The following TMEM117 variants were observed in gnomAD, a reference collection of about 807,000 sequenced individuals.
TMEM117 encodes the protein transmembrane protein 117.
Under a neutral mutation model 52.4 loss-of-function variants are expected in TMEM117, and 27 were observed. The observed-to-expected ratio is 0.51, with a 90% CI of 0.38 to 0.71. The LOEUF is 0.71. Among genes scored for constraint, TMEM117 ranks in the 30% least tolerant of loss-of-function variants. TMEM117 has a pLI of 0.00. For synonymous variants in TMEM117, 215 were observed against 206.3 expected, an observed-to-expected ratio of 1.04 and a Z score of -0.36; for missense variants, 556 against 630.5, an observed-to-expected ratio of 0.88 and a Z score of 1.26.
intron 3 of TMEM117, among the ~76,000 whole-genome samples, chr12:44,062,329 C>G (rs985685214): frequency 6.6e-6 from 1 of 152,150 alleles, no homozygotes; most frequent in Non-Finnish European, 1.5e-5. Context: ...TTGTTCCCCA[C>G]TTTCTTTGTA....
At chr12:44,122,573 C>T (rs1948255256) in intron 3 of TMEM117, among the ~76,000 whole-genome samples, 1 of 152,246 alleles carries the variant, frequency 6.6e-6, no homozygotes, top group East Asian at 1.9e-4. Context: ...CACCTCCCAC[C>T]CTCTGAGAGG....
intron 5 of TMEM117, among the ~76,000 whole-genome samples, chr12:44,276,332 A>G (rs563177544): frequency 1.5e-4 from 23 of 152,326 alleles, no homozygotes; most frequent in African/African-American, 3.8e-4. Flanking sequence ...AGGAAATCCT[A>G]TCATTTGCAA....
intron 2 of TMEM117, among the ~76,000 whole-genome samples, chr12:43,893,067 G>A (rs1006056524): frequency 6.6e-6 from 1 of 152,230 alleles, no homozygotes; most frequent in Non-Finnish European, 1.5e-5. Context: ...GGAAGGTAGA[G>A]CATGGAAGGA....
chr12:44,352,168 T>C lies in TMEM117; in HGVS notation c.769-24427T>C, dbSNP rs1019083864. 6.6e-5 allele frequency among the ~76,000 whole-genome samples: 10 copies of C among 152,068 alleles called. No individual in the cohort carries two copies. In the East Asian group the frequency reaches 1.9e-3, roughly 29 times the overall value. Reference sequence around the variant, plus strand: ...GGGATGGACACCCCATTTTTCATTATGTGATTATTAGGCATTGCATGCCTG... The same window carrying C: ...GGGATGGACACCCCATTTTTCATTACGTGATTATTAGGCATTGCATGCCTG... On this transcript the variant is annotated intron_variant, in intron 6 of 7. Transcript: ENST00000266534.
intron 3 of TMEM117, among the ~76,000 whole-genome samples, chr12:44,092,668 T>C (rs1041970708): frequency 6.6e-6 from 1 of 152,082 alleles, no homozygotes; most frequent in African/African-American, 2.4e-5. Flanking sequence ...CCACACACTA[T>C]AGAAAACCAG....
intron 3 of TMEM117, among the ~76,000 whole-genome samples, chr12:44,100,386 A>C (rs901426530): frequency 6.6e-6 from 1 of 152,006 alleles, no homozygotes. Context: ...ATAGATATCT[A>C]TGCATGCGGA....
At chr12:43,967,850 T>C (rs1312976195) in intron 3 of TMEM117, among the ~76,000 whole-genome samples, 1 of 152,216 alleles carries the variant, frequency 6.6e-6, no homozygotes, top group Non-Finnish European at 1.5e-5. Context: ...AATAAAATAG[T>C]GTGTTCTGAA....
intron 4 of TMEM117, among the ~76,000 whole-genome samples, chr12:44,170,358 G>T (rs1033425429): frequency 6.6e-6 from 1 of 151,796 alleles, no homozygotes; most frequent in African/African-American, 2.4e-5. Context: ...AGGAGTTAAC[G>T]GGTGCAGCAC....
In TMEM117 at chr12:44,085,203, G is replaced by A. The variant is rs377678589; in HGVS notation, c.411-58322G>A. Among the ~76,000 whole-genome samples, 22 of 151,988 alleles carry A rather than the reference G, an allele frequency of 1.4e-4. 1 individual carries two copies. The highest frequency in any genetic ancestry group is 5.1e-4 in the African/African-American group (21 of 41,472). ...AGTCTTTGGAGGCCTACTTTTACACGTGTTTTGTTTCCATAATTACCTAAA... is the reference window on the plus strand; with the variant it reads ...AGTCTTTGGAGGCCTACTTTTACACATGTTTTGTTTCCATAATTACCTAAA... On this transcript the variant is annotated intron_variant, in intron 3 of 7. Transcript: ENST00000266534.
intron 4 of TMEM117, among the ~76,000 whole-genome samples, chr12:44,152,742 T>G (rs1417414796): frequency 7.2e-6 from 1 of 138,302 alleles, no homozygotes; most frequent in Non-Finnish European, 1.5e-5. Flanking sequence ...TTTATATTTA[T>G]AATTATATTT....
intron 2 of TMEM117, among the ~76,000 whole-genome samples, chr12:43,847,711 AC>A (rs1373883434): frequency 1.3e-5 from 2 of 152,174 alleles, no homozygotes; most frequent in Non-Finnish European, 2.9e-5. Context: ...TGTATTGGAA[AC>A]AAAGGATGGA....
At chr12:44,181,073 T>C (rs886650250) in intron 4 of TMEM117, among the ~76,000 whole-genome samples, 1 of 152,216 alleles carries the variant, frequency 6.6e-6, no homozygotes, top group Non-Finnish European at 1.5e-5. Flanking sequence ...TATCTCATTG[T>C]GGTTTTGATT....
At chr12:44,115,755 G>A (rs1592530051) in intron 3 of TMEM117, among the ~76,000 whole-genome samples, 1 of 152,082 alleles carries the variant, frequency 6.6e-6, no homozygotes, top group Non-Finnish European at 1.5e-5. Flanking sequence ...TAGCATTTAT[G>A]GAACAGCTAC....
At chr12:43,961,955 A>G (rs1945410781) in intron 3 of TMEM117, among the ~76,000 whole-genome samples, 2 of 152,178 alleles carry the variant, frequency 1.3e-5, no homozygotes, top group Admixed American at 6.5e-5. Context: ...AGAAAGTGAT[A>G]TTTCTGTGGC....
intron 2 of TMEM117, among the ~76,000 whole-genome samples, chr12:43,848,364 C>T (rs1435137807): frequency 6.6e-6 from 1 of 152,172 alleles, no homozygotes; most frequent in Non-Finnish European, 1.5e-5. Context: ...CTTATCTCAA[C>T]TGCACAAGAC....
chr12:43,849,138 C>A (rs1943262313), intron 2 of TMEM117, among the ~76,000 whole-genome samples: 1 of 152,176 alleles, frequency 6.6e-6, no homozygotes, highest in Non-Finnish European at 1.5e-5. Context: ...ATTAAACAAG[C>A]ATCATGTCCT....
At chr12:44,146,608 A>G (rs1038882000) in intron 4 of TMEM117, among the ~76,000 whole-genome samples, 1 of 152,208 alleles carries the variant, frequency 6.6e-6, no homozygotes, top group Non-Finnish European at 1.5e-5. Context: ...CATCATTTCT[A>G]TTCCCATTTC....
At chr12:44,213,339 G>A (rs137992529) in intron 5 of TMEM117, among the ~76,000 whole-genome samples, 1 of 152,252 alleles carries the variant, frequency 6.6e-6, no homozygotes, top group Non-Finnish European at 1.5e-5. Context: ...AATGATTAAT[G>A]TTCATTCTTG....
chr12:43,982,323 T>C (rs1207871315), intron 3 of TMEM117, among the ~76,000 whole-genome samples: 1 of 151,938 alleles, frequency 6.6e-6, no homozygotes, highest in African/African-American at 2.4e-5. Flanking sequence ...ATAAGGGAAA[T>C]GGGTGCACTA....
Sources: gnomAD v4.1 joint callset for allele counts (sites outside exome capture counted in the v4.1 genomes callset) on GRCh38, gnomAD v4.1.1 for gene constraint, MANE v1.5 for transcripts, NCBI Gene and HGNC (gene_info 2026-07-23, HGNC 2026-07-21) for gene names.